The following MTREX variants were observed in gnomAD, a reference collection of about 807,000 sequenced individuals.
MTREX encodes the protein Mtr4 exosome RNA helicase.
In MTREX, 76 loss-of-function variants were observed where a neutral mutation model predicts 135.4. The observed-to-expected ratio is 0.56, with a 90% confidence interval of 0.47 to 0.68. The LOEUF (loss-of-function observed/expected upper bound fraction) is 0.68. Among genes scored for constraint, MTREX ranks in the 30% least tolerant of loss-of-function variants. The pLI is 0.00. For synonymous variants in MTREX, 404 were observed against 401.6 expected, an observed-to-expected ratio of 1.01 and a Z score of -0.07; for missense variants, 920 against 1,262.1, an observed-to-expected ratio of 0.73 and a Z score of 4.11.
At chr5:55,370,588 A>T (rs1750180076) in intron 16 of MTREX, among the ~76,000 whole-genome samples, 1 of 152,162 alleles carries the variant, frequency 6.6e-6, no homozygotes, top group Non-Finnish European at 1.5e-5. Context: ...ACTTCCTGAA[A>T]CCAGTAAGTA....
intron 21 of MTREX, among the ~76,000 whole-genome samples, chr5:55,402,836 GTGTGTATGTGTATGTA>G (rs1329097377): frequency 2.1e-5 from 2 of 94,602 alleles, no homozygotes; most frequent in African/African-American, 8.2e-5. Flanking sequence ...GTGTGTGTGT[GTGTGTATGTGTATGTA>G]TGTGTGTGTG....
chr5:55,369,082 CCT>C (rs1750153153), intron 16 of MTREX, among the ~76,000 whole-genome samples: 1 of 151,232 alleles, frequency 6.6e-6, no homozygotes, highest in Admixed American at 6.6e-5. Context: ...GCTATAAATC[CCT>C]TTCTCCCACC....
At chr5:55,394,626 G>GCTCT (rs1319923138) in intron 19 of MTREX, among the ~76,000 whole-genome samples, 2 of 152,174 alleles carry the variant, frequency 1.3e-5, no homozygotes, top group Admixed American at 1.3e-4. Context: ...AGGCAGTAAT[G>GCTCT]CTCTCTCCCC....
chr5:55,350,795 G>T, intron 12 of MTREX, 124 bp from the exon 13 acceptor site: 1 of 809,408 alleles, frequency 1.2e-6, no homozygotes. Flanking sequence ...CTTTTATTCT[G>T]GAAAGATTTT....
chr5:55,379,593 C>CAT (rs1336378418), intron 18 of MTREX, among the ~76,000 whole-genome samples: 1 of 151,760 alleles, frequency 6.6e-6, no homozygotes, highest in African/African-American at 2.4e-5. Flanking sequence ...CACACACACA[C>CAT]ACACACACAC....
At chr5:55,314,521 G>A (rs2112020578) in intron 1 of MTREX, among the ~76,000 whole-genome samples, 1 of 152,310 alleles carries the variant, frequency 6.6e-6, no homozygotes. Flanking sequence ...TTTAAAGGTG[G>A]AGGAACAGGG....
intron 1 of MTREX, among the ~76,000 whole-genome samples, chr5:55,310,562 T>C (rs1749095948): frequency 6.6e-6 from 1 of 151,868 alleles, no homozygotes; most frequent in East Asian, 1.9e-4. Context: ...GAGCCGAGAC[T>C]GTGCCACTGC....
At chr5:55,392,504 C>T (rs1460962688) in intron 19 of MTREX, among the ~76,000 whole-genome samples, 3 of 144,384 alleles carry the variant, frequency 2.1e-5, no homozygotes, top group African/African-American at 7.7e-5. Flanking sequence ...GATTGTGTCA[C>T]TTCACTTCAG....
At chr5:55,381,983 T>G (rs1004185218) in intron 18 of MTREX, among the ~76,000 whole-genome samples, 1 of 152,350 alleles carries the variant, frequency 6.6e-6, no homozygotes, top group Admixed American at 6.5e-5. Context: ...TTCTTTTGAT[T>G]ATTCTTTGCA....
At chr5:55,421,928 C>T (rs1751061371) in intron 25 of MTREX, among the ~76,000 whole-genome samples, 1 of 152,320 alleles carries the variant, frequency 6.6e-6, no homozygotes, top group East Asian at 1.9e-4. Context: ...TCTCTCTTGA[C>T]ACCCAGAAGT....
chr5:55,352,041 G>GT (rs1033504185), intron 13 of MTREX, among the ~76,000 whole-genome samples: 23 of 150,554 alleles, frequency 1.5e-4, no homozygotes, highest in African/African-American at 4.9e-4. Context: ...GTTTTGTTTT[G>GT]TTTTGTTTTT....
intron 2 of MTREX, among the ~76,000 whole-genome samples, chr5:55,323,620 G>A (rs1047655969): frequency 4.6e-5 from 7 of 152,072 alleles, no homozygotes; most frequent in African/African-American, 1.2e-4. Flanking sequence ...AGTTTCTGCC[G>A]TATTGCCCAA....
chr5:55,341,718 T>TGA lies in MTREX; in HGVS notation c.733_734dup (p.Val246LysfsTer13), dbSNP rs1392152995. 1.3e-6 allele frequency: 2 copies of TGA among 1,595,908 alleles called. No homozygotes were observed. On this transcript the variant is annotated frameshift_variant, in exon 7 of 27. Coordinates refer to ENST00000230640, the MANE Select transcript of MTREX (RefSeq NM_015360.5). LOFTEE classifies it high-confidence loss of function. ...ATGCTTTACAGAGGTTCCGAAGTTA[T>TGA]GAGAGAAGTTGCTTGGGTTATATTT...
At position 55,328,072 on chromosome 5, in the gene MTREX, C is replaced by T. The variant is rs866608855; in HGVS notation, c.402+294C>T. ...AAAAATACATGTGTACTAGTTTTTG[C>T]CTATAGTTTTAGGGTTTTAACAGGC... On this transcript the variant is annotated intron_variant, in intron 4 of 26. Coordinates refer to ENST00000230640, the MANE Select transcript of MTREX (RefSeq NM_015360.5). Among the ~76,000 whole-genome samples the T allele has an allele frequency of 7.9e-5, 12 of 152,124 alleles. 1 individual carries two copies. Among genetic ancestry groups the T allele is most frequent in the Non-Finnish European group, 1.3e-4 (9 of 67,984 alleles).
intron 14 of MTREX, 68 bp downstream of exon 14, chr5:55,353,337 T>C: frequency 1.0e-6 from 1 of 993,884 alleles, no homozygotes; most frequent in Admixed American, 2.2e-5. Context: ...CTGGCTTACA[T>C]AGTCTTTGAG....
chr5:55,344,790 T>A (rs1749703732), intron 9 of MTREX, among the ~76,000 whole-genome samples, 170 bp downstream of exon 9: 1 of 152,192 alleles, frequency 6.6e-6, no homozygotes, highest in Admixed American at 6.5e-5. Context: ...TTTCAAACAT[T>A]ATGTTTGAGA....
chr5:55,311,096 A>T (rs1001286175), intron 1 of MTREX, among the ~76,000 whole-genome samples: 2 of 152,180 alleles, frequency 1.3e-5, no homozygotes, highest in African/African-American at 2.4e-5. Context: ...AGTACTTTTT[A>T]AAAAAACTTT....
intron 25 of MTREX, among the ~76,000 whole-genome samples, chr5:55,418,473 G>C (rs1222537598): frequency 6.8e-6 from 1 of 147,894 alleles, no homozygotes; most frequent in Non-Finnish European, 1.5e-5. Context: ...TTTTTCCACA[G>C]CATACCAGCA....
intron 5 of MTREX, among the ~76,000 whole-genome samples, chr5:55,334,081 T>G (rs1465506530): frequency 6.6e-6 from 1 of 152,168 alleles, no homozygotes; most frequent in Non-Finnish European, 1.5e-5. Context: ...GTCAAAAGAT[T>G]GCTTTATGAT....
Sources: gnomAD v4.1 joint callset for allele counts (sites outside exome capture counted in the v4.1 genomes callset) on GRCh38, gnomAD v4.1.1 for gene constraint, MANE v1.5 for transcripts, NCBI Gene and HGNC (gene_info 2026-07-23, HGNC 2026-07-21) for gene names.